Variants in TNS3 observed in about 807,000 individuals in gnomAD.
TNS3 encodes the protein tensin 3, also known as tensin-3.
TNS3 carries 45 observed loss-of-function variants against 140.9 expected under a neutral mutation model. That is an observed-to-expected ratio of 0.32 (90% confidence interval 0.25 to 0.41). The LOEUF (loss-of-function observed/expected upper bound fraction) is 0.41. Ranked by LOEUF, TNS3 falls within the 10% of genes least tolerant of loss-of-function variation. TNS3 has a pLI of 1.00. For synonymous variants in TNS3, 815 were observed against 788.4 expected (o/e 1.03, Z -0.56); for missense variants, 1,716 against 1,906.7 (o/e 0.90, Z 1.86).
In TNS3 at chr7:47,400,700, G is replaced by C. The variant is rs1299060394; in HGVS notation, c.853+85C>G. The C allele has an allele frequency of 4.5e-6, 7 of 1,568,924 alleles. No homozygotes were observed. The African/African-American group carries it at 8.1e-5, about 18-fold the overall frequency. ...GTCAGTAGGCTGAATTTTGGAAAGA[G>C]GGTAAAGGGGATAGTGAAAGAATCA... On this transcript the variant is annotated intron_variant, in intron 14 of 30. Coordinates refer to ENST00000311160, the MANE Select transcript of TNS3 (RefSeq NM_022748.12).
rs746322292 is a variant in TNS3 at position 47,346,331 on chromosome 7, G to A, written c.2307C>T (p.Gly769=). 2.4e-5 allele frequency: 38 copies of A among 1,614,032 alleles called. No homozygotes were observed. Among genetic ancestry groups the A allele is most frequent in the Admixed American group, 2.0e-4 (12 of 60,012 alleles). ...RQGSSAEQPL[G]GRLRKLSLGQ... is the part of the protein sequence containing the mutation. ...CCAGGCTCAGCTTCCTGAGTCTCCCGCCCAGGGGCTGTTCAGCAGAGGAGC... is the reference window on the plus strand; with the variant it reads ...CCAGGCTCAGCTTCCTGAGTCTCCCACCCAGGGGCTGTTCAGCAGAGGAGC... The change falls in exon 18 of 31, where the codon GGC becomes GGT. Residue 769 remains glycine, a synonymous_variant. Transcript: ENST00000311160.
intron 13 of TNS3, among the ~76,000 whole-genome samples, chr7:47,405,092 A>G (rs1479538132): frequency 6.6e-6 from 1 of 152,124 alleles, no homozygotes; most frequent in African/African-American, 2.4e-5. Context: ...TTTAGGCCAC[A>G]TAAGTGTATT....
chr7:47,508,106 G>A (rs1798485051), intron 2 of TNS3, among the ~76,000 whole-genome samples: 1 of 152,142 alleles, frequency 6.6e-6, no homozygotes, highest in African/African-American at 2.4e-5. Context: ...AACACCCCGT[G>A]AATTTAATCA....
chr7:47,504,006 G>A (rs1798322074), intron 3 of TNS3, among the ~76,000 whole-genome samples: 1 of 152,106 alleles, frequency 6.6e-6, no homozygotes. Flanking sequence ...TCACCTTGGG[G>A]GTCAGGTTTC....
chr7:47,399,821 A>G (rs1158013044), intron 15 of TNS3, among the ~76,000 whole-genome samples: 1 of 152,260 alleles, frequency 6.6e-6, no homozygotes, highest in Non-Finnish European at 1.5e-5. Context: ...AAAAATAAGT[A>G]AATGGGACCG....
chr7:47,329,421 T>C (rs1194067350), intron 20 of TNS3, among the ~76,000 whole-genome samples: 1 of 152,122 alleles, frequency 6.6e-6, no homozygotes, highest in Admixed American at 6.5e-5. Flanking sequence ...AGCCGAGCCA[T>C]TGGCCGGTCC....
intron 16 of TNS3, among the ~76,000 whole-genome samples, chr7:47,389,736 G>A (rs570363720): frequency 6.6e-6 from 1 of 152,358 alleles, no homozygotes. Flanking sequence ...ACTCTCTCAG[G>A]TGACATTGAG....
At chr7:47,460,212 CAAAAAAAAAA>C (rs10526565) in intron 4 of TNS3, among the ~76,000 whole-genome samples, 22 of 115,052 alleles carry the variant, frequency 1.9e-4, no homozygotes, top group Non-Finnish European at 8.7e-5. Context: ...GACTCTGTCC[CAAAAAAAAAA>C]AAAAAAAAAA....
At chr7:47,334,241 A>G (rs1788496235) in intron 20 of TNS3, among the ~76,000 whole-genome samples, 2 of 152,250 alleles carry the variant, frequency 1.3e-5, no homozygotes, top group Non-Finnish European at 2.9e-5. Context: ...TCGACAGCAG[A>G]GAAGAGGCTG....
At chr7:47,381,434 C>A (rs1440359633) in intron 16 of TNS3, among the ~76,000 whole-genome samples, 1 of 152,218 alleles carries the variant, frequency 6.6e-6, no homozygotes, top group South Asian at 2.1e-4. Flanking sequence ...GGGCTTCAGA[C>A]AGTGGCTTAC....
intron 3 of TNS3, among the ~76,000 whole-genome samples, chr7:47,495,104 T>C (rs985532961): frequency 2.8e-5 from 4 of 142,404 alleles, no homozygotes; most frequent in African/African-American, 1.1e-4. Flanking sequence ...GGCAGGAGAA[T>C]AGCGTGAACC....
At chr7:47,516,336 C>A (rs1330753496) in intron 2 of TNS3, among the ~76,000 whole-genome samples, 1 of 152,114 alleles carries the variant, frequency 6.6e-6, no homozygotes, top group Non-Finnish European at 1.5e-5. Context: ...CCTGACTCTG[C>A]CAGGCTCCCA....
At chr7:47,343,340 C>G (rs1789129619) in intron 20 of TNS3, among the ~76,000 whole-genome samples, 1 of 152,206 alleles carries the variant, frequency 6.6e-6, no homozygotes, top group Non-Finnish European at 1.5e-5. Context: ...CTCTTATGCT[C>G]AATACAGTGA....
rs546113521 is a variant in TNS3 at position 47,350,943 on chromosome 7, T to C, written c.2282-4587A>G. 3.3e-5 allele frequency among the ~76,000 whole-genome samples: 5 copies of C among 152,368 alleles called. No homozygotes were observed. In the South Asian group the frequency reaches 8.3e-4, roughly 25 times the overall value. ...ATGCATGTGTAGTGTGGTTTCATTTTTATTTTAAAAACTAAGAAAATGTCC... is the reference window on the plus strand; with the variant it reads ...ATGCATGTGTAGTGTGGTTTCATTTCTATTTTAAAAACTAAGAAAATGTCC... On this transcript the variant is annotated intron_variant, in intron 17 of 30. Coordinates refer to ENST00000311160, the MANE Select transcript of TNS3 (RefSeq NM_022748.12).
chr7:47,437,616 G>A (rs909305222), intron 6 of TNS3, among the ~76,000 whole-genome samples: 3 of 150,888 alleles, frequency 2.0e-5, no homozygotes, highest in Non-Finnish European at 4.4e-5. Flanking sequence ...AATAAGATAA[G>A]GATGGCATAC....
At chr7:47,559,466 G>A (rs1292159843) in intron 1 of TNS3, among the ~76,000 whole-genome samples, 2 of 152,232 alleles carry the variant, frequency 1.3e-5, no homozygotes, top group South Asian at 2.1e-4. Context: ...TTGCATCTTA[G>A]GAATGTGCCC....
At chr7:47,491,721 G>A (rs1697147000) in intron 3 of TNS3, among the ~76,000 whole-genome samples, 1 of 152,154 alleles carries the variant, frequency 6.6e-6, no homozygotes, top group Non-Finnish European at 1.5e-5. Flanking sequence ...ACTTAACCAG[G>A]GGCAAAACAG....
At position 47,407,355 on chromosome 7, in the gene TNS3, C is replaced by T. The variant is rs891311531; in HGVS notation, c.723+4372G>A. ...CTTCTGCCATGCTCAGTTCCACCTG[C>T]CCTAGCTATCTGCATGCTCATCTCC... On this transcript the variant is annotated intron_variant, in intron 13 of 30. Coordinates refer to ENST00000311160, the MANE Select transcript of TNS3 (RefSeq NM_022748.12). This position sits in a 1 kb window ranked among gnomAD's most constrained non-coding sequence, Gnocchi z 4.1. Among the ~76,000 whole-genome samples the T allele has an allele frequency of 1.1e-4, 16 of 152,230 alleles. No homozygotes were observed. The highest frequency in any genetic ancestry group is 3.6e-4 in the African/African-American group (15 of 41,468).
chr7:47,294,289 A>G (rs556642397), intron 24 of TNS3, among the ~76,000 whole-genome samples: 83 of 152,360 alleles, frequency 5.4e-4, no homozygotes, highest in African/African-American at 2.0e-3. Flanking sequence ...GGATTTAACC[A>G]GGAGCCTGGA....
Sources: gnomAD v4.1 joint callset for allele counts (sites outside exome capture counted in the v4.1 genomes callset) on GRCh38, gnomAD v4.1.1 for gene constraint, Gnocchi (gnomAD v3.1) non-coding constraint, MANE v1.5 for transcripts, NCBI Gene and HGNC (gene_info 2026-07-23, HGNC 2026-07-21) for gene names.